Variants in SFMBT1 observed in about 807,000 individuals in gnomAD.
SFMBT1 encodes the protein scm-like with four MBT domains protein 1.
A neutral mutation model predicts 108.7 loss-of-function variants in SFMBT1; 32 were observed. The ratio of observed to expected loss-of-function variants is 0.29; its 90% CI spans 0.22 to 0.40. The LOEUF (loss-of-function observed/expected upper bound fraction) is 0.40, where lower values mean the gene tolerates loss of function less well. Among genes scored for constraint, SFMBT1 ranks in the 10% least tolerant of loss-of-function variants. SFMBT1 has a pLI of 1.00. For missense variants in SFMBT1, 816 were observed against 1,059.6 expected (o/e 0.77, Z 3.19); for synonymous variants, 348 against 369.5 (o/e 0.94, Z 0.67).
rs549260827 is a variant in SFMBT1, at chr3:52,950,161, CTTCT to C, written c.123+4152_123+4155del. On this transcript the variant is annotated intron_variant, in intron 3 of 20. Coordinates refer to ENST00000394752, the MANE Select transcript of SFMBT1 (RefSeq NM_016329.4). ...GTTAGTGTTTTCTATTTGTTGCCTT[CTTCT>C]TTGTTTCCATTTTGTCTTTCACTCT... Among the ~76,000 whole-genome samples the C allele has an allele frequency of 9.6e-4, 144 of 150,472 alleles. No individual in the cohort carries two copies. In the Middle Eastern group the frequency reaches 0.01, roughly 11 times the overall value.
rs1183043834 is a variant in SFMBT1, at chr3:53,026,791, A to G, written c.-131+19025T>C. ...AGGCAGCGCTAAAGATAAAGGTTTGAGAAGGGATTTTTTTTCTTCCTTTAG... is the reference window on the plus strand; with the variant it reads ...AGGCAGCGCTAAAGATAAAGGTTTGGGAAGGGATTTTTTTTCTTCCTTTAG... On this transcript the variant is annotated intron_variant, in intron 1 of 20. Coordinates refer to ENST00000394752, the MANE Select transcript of SFMBT1 (RefSeq NM_016329.4). Among the ~76,000 whole-genome samples, 3 of 152,306 alleles carry G rather than the reference A, an allele frequency of 2.0e-5. No homozygotes were observed. In the East Asian group the frequency reaches 5.8e-4, roughly 29 times the overall value.
intron 1 of SFMBT1, among the ~76,000 whole-genome samples, chr3:52,975,810 C>T (rs1478084749): frequency 6.6e-6 from 1 of 152,094 alleles, no homozygotes; most frequent in East Asian, 1.9e-4. Flanking sequence ...CCATGTTGGC[C>T]AGGCTGGTCT....
intron 2 of SFMBT1, among the ~76,000 whole-genome samples, chr3:52,964,305 G>T (rs752008433): frequency 6.6e-6 from 1 of 152,326 alleles, no homozygotes; most frequent in African/African-American, 2.4e-5. Flanking sequence ...GAAGCCAGGA[G>T]TTTGAAACCA....
chr3:52,941,593 CAAAAAAAA>C (rs145581859), intron 4 of SFMBT1, among the ~76,000 whole-genome samples: 3,712 of 64,092 alleles, frequency 0.058, 256 homozygotes, highest in African/African-American at 0.2. Flanking sequence ...GACTCTGTTT[CAAAAAAAA>C]AAAAAAAAAA....
intron 1 of SFMBT1, chr3:53,043,298 C>A (rs777111599): frequency 6.6e-6 from 1 of 151,936 alleles, no homozygotes; most frequent in Non-Finnish European, 1.5e-5. Context: ...CTTAGTCATG[C>A]TGATTTTTTT....
intron 3 of SFMBT1, among the ~76,000 whole-genome samples, chr3:52,951,116 T>TAAAAAAAAAAA (rs60541061): frequency 1.2e-5 from 1 of 81,550 alleles, no homozygotes; most frequent in South Asian, 5.9e-4. Context: ...ACTCTTATCT[T>TAAAAAAAAAAA]AAAAAAAAAA....
At chr3:52,928,983 G>C (rs775496540) in intron 8 of SFMBT1, among the ~76,000 whole-genome samples, 13 of 151,946 alleles carry the variant, frequency 8.6e-5, no homozygotes, top group Non-Finnish European at 1.5e-4. Flanking sequence ...GGGATTACAT[G>C]CATGAGCCAC....
rs570996063 is a variant in SFMBT1, at chr3:52,999,714, C to A, written c.-130-30456G>T. ...TGACTCCCTGAGCAGGGTGAGCCCC[C>A]ACTCATCCTGTGCCATGTTATGTTT... is the stretch of plus-strand genomic sequence containing the variant. On this transcript the variant is annotated intron_variant, in intron 1 of 20. Coordinates refer to ENST00000394752, the MANE Select transcript of SFMBT1 (RefSeq NM_016329.4). 6.7e-5 allele frequency among the ~76,000 whole-genome samples: 10 copies of A among 149,988 alleles called. 1 individual carries two copies. The South Asian group carries it at 2.1e-3, about 32-fold the overall frequency.
chr3:52,974,992 A>G (rs896799426), intron 1 of SFMBT1, among the ~76,000 whole-genome samples: 8 of 151,908 alleles, frequency 5.3e-5, no homozygotes, highest in Non-Finnish European at 8.8e-5. Context: ...GTGACAGGGC[A>G]AGACCCTGTA....
At chr3:52,928,530 A>T (rs2710341) in intron 8 of SFMBT1, 189 bp from the exon 9 acceptor site, 13,412 of 459,022 alleles carry the variant, frequency 0.029, 380 homozygotes, top group Non-Finnish European at 0.041. Context: ...TCATGTATCA[A>T]TTCAGTTTTA....
At chr3:52,966,729 T>C (rs915007593) in intron 2 of SFMBT1, among the ~76,000 whole-genome samples, 3 of 140,908 alleles carry the variant, frequency 2.1e-5, no homozygotes, top group Non-Finnish European at 3.1e-5. Flanking sequence ...AATGACAACA[T>C]AAAGAGTAAA....
intron 3 of SFMBT1, among the ~76,000 whole-genome samples, chr3:52,953,510 A>G (rs1288069611): frequency 6.6e-6 from 1 of 152,068 alleles, no homozygotes; most frequent in African/African-American, 2.4e-5. Context: ...CTTACATTCT[A>G]AAGTCATTAC....
chr3:52,916,423 A>T (rs553861301), intron 13 of SFMBT1, among the ~76,000 whole-genome samples: 87 of 146,532 alleles, frequency 5.9e-4, no homozygotes, highest in African/African-American at 2.1e-3. Context: ...TAATCCCAGC[A>T]CTTTGGGAGG....
At chr3:52,917,310 T>C (rs778044910) in intron 13 of SFMBT1, among the ~76,000 whole-genome samples, 2 of 152,058 alleles carry the variant, frequency 1.3e-5, no homozygotes, top group Non-Finnish European at 2.9e-5. Flanking sequence ...GATAGGGCCT[T>C]GGGGAAGTAA....
In SFMBT1 at chr3:52,969,120, C is replaced by T. The variant is rs535895838; in HGVS notation, c.9G>A (p.Gly3=). ...CAATACCTGCATCAAGCTGCTGCTC[C>T]CCGTTCATTTCCACAGCATATAGGC... MN[G]EQQLDADAGS... The change falls in exon 2 of 21, where the codon GGG becomes GGA. Residue 3 remains glycine (G), a synonymous_variant. Coordinates refer to ENST00000394752, the MANE Select transcript of SFMBT1 (RefSeq NM_016329.4). 1.9e-6 allele frequency: 3 copies of T among 1,614,022 alleles called. No individual in the cohort carries two copies. The South Asian group carries it at 3.3e-5, about 18-fold the overall frequency.
At position 52,905,097 on chromosome 3, in the gene SFMBT1, T is replaced by C; in HGVS notation, c.*39A>G. The C allele has an allele frequency of 6.2e-7, 1 of 1,608,698 alleles. No homozygotes were observed. The highest frequency in any genetic ancestry group is 1.1e-5 in the South Asian group (1 of 89,808). ...AAAGCAGGGTGAAGGATTTGCTGCA[T>C]TTGTGCTTCAAAGATCCAGCTCACT... On this transcript the variant is annotated 3_prime_UTR_variant, in exon 21 of 21. Transcript: ENST00000394752.
intron 13 of SFMBT1, among the ~76,000 whole-genome samples, chr3:52,917,960 T>C (rs1372907568): frequency 6.6e-6 from 1 of 152,204 alleles, no homozygotes; most frequent in African/African-American, 2.4e-5. Context: ...CCCAATGTTT[T>C]AAAACACACA....
intron 1 of SFMBT1, among the ~76,000 whole-genome samples, chr3:53,024,823 G>A (rs541003485): frequency 8.5e-5 from 13 of 152,132 alleles, no homozygotes; most frequent in African/African-American, 3.1e-4. Context: ...AGAATATAAC[G>A]AATATTATAG....
rs534876138 is a variant in SFMBT1, at chr3:52,925,925, G to C, written c.1131+106C>G. ...TTACAATCACCACTGTGCTCATCTG[G>C]ATTAAGTGAGATGATTATCTTCAGA... On this transcript the variant is annotated intron_variant, in intron 10 of 20. Coordinates refer to ENST00000394752, the MANE Select transcript of SFMBT1 (RefSeq NM_016329.4). 24 of 1,012,672 alleles carry C rather than the reference G, an allele frequency of 2.4e-5. No homozygotes were observed. The East Asian group carries it at 6.0e-4, about 25-fold the overall frequency. 62.7% of individuals were successfully genotyped at this position (1,012,672 alleles called of 1,614,324 possible).
Sources: allele counts gnomAD v4.1 joint callset (sites outside exome capture counted in the v4.1 genomes callset), GRCh38; gene constraint gnomAD v4.1.1; transcripts MANE v1.5; gene names NCBI Gene and HGNC (gene_info 2026-07-23, HGNC 2026-07-21).